The following KLF8 variants were observed in gnomAD, a reference collection of about 807,000 sequenced individuals.
The protein encoded by KLF8 is Krueppel-like factor 8.
Under a neutral mutation model 18.2 loss-of-function variants are expected in KLF8, and 10 were observed. The ratio of observed to expected loss-of-function variants is 0.55; its 90% CI spans 0.34 to 0.93. KLF8 has a LOEUF of 0.93. Ranked by LOEUF, KLF8 falls within the 40% of genes least tolerant of loss-of-function variation. The probability of loss-of-function intolerance (pLI) is 0.02; values close to 1 mark genes in which losing one functional copy is unlikely to be tolerated. For synonymous variants in KLF8, 109 were observed against 97.3 expected (o/e 1.12, Z -0.71); for missense variants, 264 against 277.9 (o/e 0.95, Z 0.36).
At chrX:56,043,250 T>C in the KLF8 span, among the ~76,000 whole-genome samples, 1 of 110,706 alleles carries the variant, frequency 9.0e-6, no homozygotes, top group Non-Finnish European at 1.9e-5. Flanking sequence ...TAAAATTTTT[T>C]TTTTTCATTA....
At chrX:56,073,836 C>T in the KLF8 span, among the ~76,000 whole-genome samples, 1 of 108,163 alleles carries the variant, frequency 9.2e-6, no homozygotes, top group African/African-American at 3.4e-5. Flanking sequence ...ACTTCAGTCT[C>T]TCCAGTTCAT....
At chrX:55,952,977 T>A in the KLF8 span, among the ~76,000 whole-genome samples, 1 of 111,771 alleles carries the variant, frequency 8.9e-6, no homozygotes, top group Non-Finnish European at 1.9e-5. Flanking sequence ...ACATAACAAC[T>A]AAGTGGTGAA....
chrX:56,173,001 C>A, the KLF8 span, among the ~76,000 whole-genome samples: 2 of 111,582 alleles, frequency 1.8e-5, no homozygotes, highest in Non-Finnish European at 3.8e-5. Flanking sequence ...GGATATTAAC[C>A]CTTTGTCAGA....
At chrX:56,263,418 C>A (rs1016215982) in intron 2 of KLF8, among the ~76,000 whole-genome samples, 5 of 111,547 alleles carry the variant, frequency 4.5e-5, no homozygotes, top group African/African-American at 1.6e-4. Flanking sequence ...GGCAGTCTGG[C>A]CAAATTCTGG....
At chrX:56,072,963 T>C in the KLF8 span, among the ~76,000 whole-genome samples, 1 of 107,682 alleles carries the variant, frequency 9.3e-6, no homozygotes, top group Non-Finnish European at 1.9e-5. Context: ...TTTTTACATT[T>C]GCATCTGGCT....
intron 3 of KLF8, chrX:56,266,416 GA>G: frequency 2.4e-5 from 17 of 712,869 alleles, no homozygotes; most frequent in Non-Finnish European, 2.8e-5. Context: ...GTAAATTCCT[GA>G]AAAATAATAC....
Position 56,271,800 on chromosome X carries a change from C to T in KLF8, c.898+1479C>T, listed in dbSNP as rs188490326. Among the ~76,000 whole-genome samples the T allele has an allele frequency of 6.8e-4, 76 of 111,041 alleles. No homozygotes were observed. In the South Asian group the frequency reaches 0.027, roughly 39 times the overall value. The stretch of plus-strand genomic sequence containing the variant: ...TTCCTACCTCTTTGATCTTAGGTTC[C>T]TCAACCGTAAGATGAGGGGTTTGGA... On this transcript the variant is annotated intron_variant, in intron 5 of 5. Transcript: ENST00000468660.
the KLF8 span, among the ~76,000 whole-genome samples, chrX:56,148,965 G>T: frequency 8.9e-6 from 1 of 112,358 alleles, no homozygotes; most frequent in Admixed American, 9.5e-5. Flanking sequence ...GCATCTATAA[G>T]CCCAGACCCA....
chrX:56,136,057 C>T, the KLF8 span, among the ~76,000 whole-genome samples: 1 of 110,949 alleles, frequency 9.0e-6, no homozygotes, highest in Non-Finnish European at 1.9e-5. Context: ...TGTGAAGGAC[C>T]TCTTCAAGGA....
At chrX:56,037,366 TG>T in the KLF8 span, among the ~76,000 whole-genome samples, 3 of 109,992 alleles carry the variant, frequency 2.7e-5, no homozygotes, top group African/African-American at 6.9e-5. Flanking sequence ...AAGATTGGTC[TG>T]TTTTTTTTTA....
chrX:55,919,379 C>T, the KLF8 span, among the ~76,000 whole-genome samples: 4 of 111,644 alleles, frequency 3.6e-5, no homozygotes, highest in African/African-American at 9.8e-5. Context: ...TCCAGAGATC[C>T]TTTGAAGGAA....
chrX:56,155,611 A>T, the KLF8 span, among the ~76,000 whole-genome samples: 1 of 111,929 alleles, frequency 8.9e-6, no homozygotes, highest in African/African-American at 3.2e-5. Context: ...TAATAAAAAT[A>T]AAATTAAAAA....
the KLF8 span, among the ~76,000 whole-genome samples, chrX:55,921,744 C>A: frequency 2.7e-5 from 3 of 111,668 alleles, no homozygotes; most frequent in Admixed American, 9.5e-5. Context: ...TATCCAGAAT[C>A]TATAAGGAAT....
chrX:55,943,674 G>T, the KLF8 span, among the ~76,000 whole-genome samples: 3 of 112,237 alleles, frequency 2.7e-5, no homozygotes, highest in African/African-American at 9.7e-5. Flanking sequence ...GTTGTTCAGT[G>T]TAAGGCTATG....
intron 1 of KLF8, among the ~76,000 whole-genome samples, chrX:56,235,085 T>C (rs1189589020): frequency 9.0e-6 from 1 of 110,785 alleles, no homozygotes; most frequent in Non-Finnish European, 1.9e-5. Flanking sequence ...ACTCTCATTG[T>C]TCTAATACAT....
the KLF8 span, among the ~76,000 whole-genome samples, chrX:55,941,861 A>G: frequency 1.1e-4 from 12 of 111,792 alleles, no homozygotes; most frequent in Admixed American, 3.8e-4. Context: ...AAAAAGTCAG[A>G]AAACAACAGG....
the KLF8 span, among the ~76,000 whole-genome samples, chrX:56,050,870 T>C: frequency 3.6e-5 from 4 of 109,672 alleles, no homozygotes; most frequent in Non-Finnish European, 7.6e-5. Flanking sequence ...CAGTGGGGTG[T>C]TAAAGTCTCC....
At chrX:55,964,790 A>T in the KLF8 span, among the ~76,000 whole-genome samples, 1 of 111,816 alleles carries the variant, frequency 8.9e-6, no homozygotes, top group Non-Finnish European at 1.9e-5. Context: ...TATGTACACA[A>T]ATTAGAAAAC....
At chrX:56,227,443 C>T (rs1254620956), upstream of KLF8, among the ~76,000 whole-genome samples, 40 of 110,053 alleles carry the variant, frequency 3.6e-4, no homozygotes, top group African/African-American at 1.2e-3. Flanking sequence ...CTCCGCCTCC[C>T]GGGTTCAAGC....
Sources: allele counts gnomAD v4.1 joint callset (sites outside exome capture counted in the v4.1 genomes callset), GRCh38; gene constraint gnomAD v4.1.1; transcripts MANE v1.5; gene names NCBI Gene and HGNC (gene_info 2026-07-23, HGNC 2026-07-21).